Variants in RNF121 observed in about 807,000 individuals in gnomAD.
The protein encoded by RNF121 is E3 ubiquitin ligase RNF121.
A neutral mutation model predicts 46.5 loss-of-function variants in RNF121; 21 were observed. That is an observed-to-expected ratio of 0.45 (90% CI 0.32 to 0.65). The LOEUF (loss-of-function observed/expected upper bound fraction) is 0.65, where lower values mean the gene tolerates loss of function less well. Among genes scored for constraint, RNF121 ranks in the 30% least tolerant of loss-of-function variants. RNF121 has a pLI of 0.04. For synonymous variants in RNF121, 139 were observed against 144.7 expected (o/e 0.96, Z 0.28); for missense variants, 346 against 416.0 (o/e 0.83, Z 1.46).
At position 71,929,247 on chromosome 11, in the gene RNF121, G is replaced by C; in HGVS notation, c.63+123G>C. 2.8e-6 allele frequency: 4 copies of C among 1,433,482 alleles called. No homozygotes were observed. In the South Asian group the frequency reaches 4.3e-5, roughly 15 times the overall value. The allele number at this position is 1,433,482 out of a possible 1,614,324, so 88.8% of individuals were successfully genotyped here. ...ATCCTGAGAGGGAAGGAGCTGACTAGGGGGCGGGTGCGTGGAGAGCGAAGT... is the reference window on the plus strand; with the variant it reads ...ATCCTGAGAGGGAAGGAGCTGACTACGGGGCGGGTGCGTGGAGAGCGAAGT... On this transcript the variant is annotated intron_variant, in intron 1 of 8. Transcript: ENST00000361756.
chr11:71,952,904 A>C (rs185356841), intron 1 of RNF121, among the ~76,000 whole-genome samples: 1 of 152,356 alleles, frequency 6.6e-6, no homozygotes, highest in East Asian at 1.9e-4. Context: ...TGGTGACTAC[A>C]TTTGAAAATT....
At chr11:71,968,330 G>A (rs6592452) in intron 3 of RNF121, among the ~76,000 whole-genome samples, 135,131 of 152,150 alleles carry the variant, frequency 0.89, 60,265 homozygotes, top group Non-Finnish European at 0.94. Context: ...AAAGTGCTGG[G>A]ATGACAGGTG....
chr11:71,969,975 A>G (rs1954384709), intron 3 of RNF121, among the ~76,000 whole-genome samples: 1 of 152,252 alleles, frequency 6.6e-6, no homozygotes, highest in South Asian at 2.1e-4. Flanking sequence ...ATAGCTAGAT[A>G]TAAGTAATTT....
chr11:71,979,877 T>C (rs114794510), intron 3 of RNF121, among the ~76,000 whole-genome samples: 26 of 152,348 alleles, frequency 1.7e-4, no homozygotes, highest in African/African-American at 5.8e-4. Flanking sequence ...AATTATTCTC[T>C]GGGCCTACTG....
intron 6 of RNF121, among the ~76,000 whole-genome samples, chr11:71,993,959 G>C (rs1954918456): frequency 6.6e-6 from 1 of 151,036 alleles, no homozygotes; most frequent in African/African-American, 2.4e-5. Flanking sequence ...TCCTGCCTCA[G>C]CCTCCTGAGT....
intron 1 of RNF121, among the ~76,000 whole-genome samples, chr11:71,939,766 A>G (rs1376203758): frequency 6.6e-6 from 1 of 152,150 alleles, no homozygotes; most frequent in African/African-American, 2.4e-5. Context: ...TGGATTCATT[A>G]TTTTCAAAAG....
intron 3 of RNF121, chr11:71,977,977 G>A (rs560799328): frequency 2.6e-5 from 7 of 270,984 alleles, no homozygotes; most frequent in South Asian, 2.0e-4. Context: ...ATAACTTTTA[G>A]CCATTTATAT....
intron 1 of RNF121, among the ~76,000 whole-genome samples, chr11:71,954,968 C>T (rs533551882): frequency 6.6e-6 from 1 of 152,278 alleles, no homozygotes; most frequent in East Asian, 1.9e-4. Flanking sequence ...TTAATATATG[C>T]TCAGCTCTGT....
intron 1 of RNF121, among the ~76,000 whole-genome samples, chr11:71,956,644 T>G (rs1281650500): frequency 6.6e-6 from 1 of 152,178 alleles, no homozygotes; most frequent in African/African-American, 2.4e-5. Flanking sequence ...CCATTTAGAG[T>G]CACATGGTGT....
intron 1 of RNF121, among the ~76,000 whole-genome samples, chr11:71,952,228 A>G (rs1953898006): frequency 6.6e-6 from 1 of 152,198 alleles, no homozygotes; most frequent in African/African-American, 2.4e-5. Context: ...AAAAGACCAT[A>G]TATTTATGAT....
At chr11:71,976,013 G>A (rs1184595280) in intron 3 of RNF121, among the ~76,000 whole-genome samples, 5 of 152,176 alleles carry the variant, frequency 3.3e-5, no homozygotes, top group African/African-American at 1.2e-4. Context: ...GTCCAGTAAT[G>A]TGTAGTGTCT....
intron 3 of RNF121, among the ~76,000 whole-genome samples, chr11:71,975,296 G>C (rs539059839): frequency 6.6e-6 from 1 of 152,342 alleles, no homozygotes; most frequent in East Asian, 1.9e-4. Context: ...ACTTGTAGCT[G>C]TGGTATCTTT....
intron 1 of RNF121, among the ~76,000 whole-genome samples, chr11:71,934,011 C>T (rs755529478): frequency 2.6e-5 from 4 of 152,182 alleles, no homozygotes; most frequent in Non-Finnish European, 5.9e-5. Context: ...TTTCTAATTA[C>T]TTCCGGGCTT....
intron 5 of RNF121, among the ~76,000 whole-genome samples, chr11:71,988,219 A>G (rs1249328390): frequency 2.0e-5 from 3 of 152,170 alleles, no homozygotes; most frequent in African/African-American, 7.2e-5. Flanking sequence ...ATTAGCTTAC[A>G]GGTCCTCCCA....
At chr11:71,959,837 T>C (rs1164763377) in intron 2 of RNF121, among the ~76,000 whole-genome samples, 4 of 152,138 alleles carry the variant, frequency 2.6e-5, no homozygotes, top group African/African-American at 7.2e-5. Flanking sequence ...GGTTTCGCCA[T>C]GTTGGCCAGG....
At chr11:71,979,701 TTCC>T (rs1183212240) in intron 3 of RNF121, among the ~76,000 whole-genome samples, 1 of 152,208 alleles carries the variant, frequency 6.6e-6, no homozygotes, top group East Asian at 1.9e-4. Context: ...TTGATTCACA[TTCC>T]TCCTCAGAAC....
chr11:71,989,932 T>C (rs532130458), intron 5 of RNF121, among the ~76,000 whole-genome samples: 1 of 152,318 alleles, frequency 6.6e-6, no homozygotes, highest in South Asian at 2.1e-4. Context: ...TATGGGACAA[T>C]AGGCCAAATC....
intron 1 of RNF121, among the ~76,000 whole-genome samples, chr11:71,949,274 T>G (rs958902329): frequency 1.3e-5 from 2 of 152,120 alleles, no homozygotes; most frequent in African/African-American, 4.8e-5. Flanking sequence ...AAGAATTAGC[T>G]GGGTGTGGTG....
At chr11:71,947,546 A>C (rs555889098) in intron 1 of RNF121, among the ~76,000 whole-genome samples, 2 of 152,294 alleles carry the variant, frequency 1.3e-5, no homozygotes, top group South Asian at 4.1e-4. Flanking sequence ...TAGAGAGAAA[A>C]GACGGCAGCA....
Sources: allele counts gnomAD v4.1 joint callset (sites outside exome capture counted in the v4.1 genomes callset), GRCh38; gene constraint gnomAD v4.1.1; transcripts MANE v1.5; gene names NCBI Gene and HGNC (gene_info 2026-07-23, HGNC 2026-07-21).